The following UNC80 variants were observed in gnomAD, a reference collection of about 807,000 sequenced individuals.
The protein encoded by UNC80 is unc-80 subunit of NALCN channel complex.
A neutral mutation model predicts 384.6 loss-of-function variants in UNC80; 164 were observed. The ratio of observed to expected loss-of-function variants is 0.43; its 90% CI spans 0.38 to 0.49. The LOEUF (loss-of-function observed/expected upper bound fraction) is 0.49, where lower values mean the gene tolerates loss of function less well. Among genes scored for constraint, UNC80 ranks in the 20% least tolerant of loss-of-function variants. UNC80 has a pLI of 0.00. For synonymous variants in UNC80, 1,486 were observed against 1,527.8 expected, an observed-to-expected ratio of 0.97 and a Z score of 0.64; for missense variants, 3,330 against 4,143.0, an observed-to-expected ratio of 0.80 and a Z score of 5.39.
chr2:209,772,084 G>T lies in UNC80; in HGVS notation c.12G>T (p.Arg4Ser). The T allele has an allele frequency of 6.5e-7, 1 of 1,549,690 alleles. No homozygotes were observed. The highest frequency in any genetic ancestry group is 8.7e-7 in the Non-Finnish European group (1 of 1,146,382). ...CGGGAGCCACCATTATGGTGAAGAG[G>T]AAGAGCTCCGAGGGCCAGGAGCAGG... MVK[R>S]KSSEGQEQDG... The change falls in exon 1 of 65, where the codon AGG becomes AGT. Residue 4 changes from arginine (R) to serine (S), a missense_variant. Arg to Ser is a moderately radical substitution (Grantham distance 110). This residue lies in a region of UNC80 where 86 missense variants were observed against 141.5 expected (regional missense o/e 0.61). Coordinates refer to ENST00000673920, the MANE Select transcript of UNC80 (RefSeq NM_001371986.1).
At chr2:209,808,583 G>C (rs568675857) in intron 7 of UNC80, among the ~76,000 whole-genome samples, 6 of 151,808 alleles carry the variant, frequency 4.0e-5, no homozygotes, top group Non-Finnish European at 5.9e-5. Context: ...AGCCCAGCCA[G>C]GCCCGGCCCA....
At position 209,939,443 on chromosome 2, in the gene UNC80, T is replaced by C. The variant is rs1464288715; in HGVS notation, c.6466-29T>C. ...AATCTGGAGTTTCTAATACTCCTTT[T>C]TGTCTGCTCCTGCTTTTGTTTTCTC... On this transcript the variant is annotated intron_variant, in intron 42 of 64. Coordinates refer to ENST00000673920, the MANE Select transcript of UNC80 (RefSeq NM_001371986.1). 2.0e-6 allele frequency: 3 copies of C among 1,530,574 alleles called. No homozygotes were observed. In the Admixed American group the frequency reaches 6.1e-5, roughly 31 times the overall value. The allele number at this position is 1,530,574 out of a possible 1,614,324, so 94.8% of individuals were successfully genotyped here. A position where few individuals can be genotyped will look rare whatever the true frequency, so the allele number is the denominator to read the frequency against.
At chr2:209,868,505 G>A (rs1213193685) in intron 22 of UNC80, among the ~76,000 whole-genome samples, 1 of 152,008 alleles carries the variant, frequency 6.6e-6, no homozygotes, top group African/African-American at 2.4e-5. Flanking sequence ...TATTTTTTAG[G>A]TCCCCAGGCA....
At chr2:209,863,424 G>T (rs183112436) in intron 22 of UNC80, among the ~76,000 whole-genome samples, 1 of 152,158 alleles carries the variant, frequency 6.6e-6, no homozygotes, top group African/African-American at 2.4e-5. Context: ...ATCCGGAAGT[G>T]TGTTTTCCAG....
rs1252633870 is a variant in UNC80, at chr2:209,941,432, C to T, written c.6858C>T (p.His2286=). 2 of 1,546,236 alleles carry T rather than the reference C, an allele frequency of 1.3e-6. No homozygotes were observed. The highest frequency in any genetic ancestry group is 2.7e-5 in the African/African-American group (2 of 72,978). The change falls in exon 44 of 65, where the codon CAC becomes CAT. Residue 2286 remains histidine (H), a synonymous_variant. Coordinates refer to ENST00000673920, the MANE Select transcript of UNC80 (RefSeq NM_001371986.1). ...YAATVINTAV[H]FNHLFSLSGY... Reference sequence around the variant, plus strand: ...CCACCGTCATCAACACCGCGGTGCACTTCAACCACCTCTTCTCTCTCAGCG... The same window carrying T: ...CCACCGTCATCAACACCGCGGTGCATTTCAACCACCTCTTCTCTCTCAGCG...
chr2:209,986,112 A>G (rs2093282167), intron 61 of UNC80, among the ~76,000 whole-genome samples: 1 of 152,212 alleles, frequency 6.6e-6, no homozygotes, highest in Non-Finnish European at 1.5e-5. Flanking sequence ...GAGAAACAAA[A>G]CAGTCCTCAA....
At chr2:209,870,118 A>G (rs546518831) in intron 22 of UNC80, among the ~76,000 whole-genome samples, 3 of 152,268 alleles carry the variant, frequency 2.0e-5, no homozygotes, top group African/African-American at 7.2e-5. Flanking sequence ...CATATGGTCC[A>G]CGTTAAGTTT....
chr2:209,848,404 T>C (rs2082303722), intron 21 of UNC80, among the ~76,000 whole-genome samples: 1 of 152,086 alleles, frequency 6.6e-6, no homozygotes, highest in African/African-American at 2.4e-5. Context: ...GAATGAAATA[T>C]AGGAAATTTC....
At chr2:209,938,185 G>T (rs570398225) in intron 42 of UNC80, among the ~76,000 whole-genome samples, 1 of 152,280 alleles carries the variant, frequency 6.6e-6, no homozygotes, top group African/African-American at 2.4e-5. Context: ...TAAGGTTGAA[G>T]AACAGAATAA....
chr2:209,805,615 C>T (rs552364320), intron 7 of UNC80, among the ~76,000 whole-genome samples: 29 of 152,256 alleles, frequency 1.9e-4, no homozygotes, highest in African/African-American at 5.8e-4. Flanking sequence ...TGTGTCTCTC[C>T]ATAGGGCTGC....
chr2:209,906,804 T>C (rs751025267), intron 29 of UNC80, among the ~76,000 whole-genome samples: 20 of 152,218 alleles, frequency 1.3e-4, no homozygotes, highest in Non-Finnish European at 2.5e-4. Context: ...TAAATGACAC[T>C]GCATTTAAAG....
At position 209,997,698 on chromosome 2, in the gene UNC80, T is replaced by A. The variant is rs914531511; in HGVS notation, c.*2103T>A. 2.0e-5 allele frequency: 3 copies of A among 152,192 alleles called. No homozygotes were observed. Among genetic ancestry groups the A allele is most frequent in the East Asian group, 1.9e-4 (1 of 5,198 alleles). The allele number at this position is 152,192 out of a possible 1,614,324, so 9.4% of individuals were successfully genotyped here. On this transcript the variant is annotated 3_prime_UTR_variant, in exon 65 of 65. Transcript: ENST00000673920. ...TAGCAACTTTCAATAAGCTAAGCAA[T>A]GTTGTAACTTGCAAAAAAGCCTCCA...
intron 59 of UNC80, among the ~76,000 whole-genome samples, chr2:209,981,799 A>T (rs551279658): frequency 6.6e-6 from 1 of 152,362 alleles, no homozygotes; most frequent in African/African-American, 2.4e-5. Context: ...TGTCAAGGAA[A>T]TGTATTTGAT....
In UNC80 at chr2:209,917,779, G is replaced by C; in HGVS notation, c.5032G>C (p.Ala1678Pro). The change falls in exon 32 of 65, where the codon GCC becomes CCC. Residue 1678 changes from alanine to proline, a missense_variant and splice_region_variant. By Grantham distance (27) the Ala-to-Pro change is conservative (BLOSUM62 -1). Around this residue, in one of 8 missense-constraint regions of UNC80, gnomAD observed 801 missense variants for 950.8 expected, o/e 0.84. Coordinates refer to ENST00000673920, the MANE Select transcript of UNC80 (RefSeq NM_001371986.1). Reference sequence around the variant, plus strand: ...GATGAATTGTTGACTGTCTCTAGCTGCCATGTTCCTGCTGTGTGCAGTGAA... The same window carrying C: ...GATGAATTGTTGACTGTCTCTAGCTCCCATGTTCCTGCTGTGTGCAGTGAA... ...MDEHMAGAAAAMFLLCAVKVP... is the reference protein window; with the variant it reads ...MDEHMAGAAAPMFLLCAVKVP... 1 of 1,551,976 alleles carries C rather than the reference G, an allele frequency of 6.4e-7. No homozygotes were observed. The highest frequency in any genetic ancestry group is 8.7e-7 in the Non-Finnish European group (1 of 1,147,018).
Position 209,839,224 on chromosome 2 carries a change from A to G in UNC80, c.3044A>G (p.Asp1015Gly). The change falls in exon 19 of 65, where the codon GAT (aspartate) becomes GGT (glycine). Residue 1015 changes from aspartate (D) to glycine (G), a missense_variant and splice_region_variant. Asp to Gly is a moderately conservative substitution (Grantham distance 94). Transcript: ENST00000673920. The surrounding 1 kb of genome is among the most constrained non-coding windows in gnomAD (Gnocchi z 4.1). ...SGRPSQTPEH[D>G]EQMQGANLGR... ...CCCTATCCTCTGCTTGCCTACAGCG[A>G]TGAACAAATGCAAGGAGCCAACTTG... 6.4e-7 allele frequency: 1 copy of G among 1,551,448 alleles called. No homozygotes were observed. The highest frequency in any genetic ancestry group is 8.7e-7 in the Non-Finnish European group (1 of 1,146,970).
chr2:209,933,635 C>A (rs2124969334), intron 38 of UNC80, among the ~76,000 whole-genome samples, 187 bp from the exon 39 acceptor site: 1 of 152,158 alleles, frequency 6.6e-6, no homozygotes, highest in South Asian at 2.1e-4. Context: ...AAATGTACAG[C>A]AGCCTGTGTG....
intron 9 of UNC80, 32 bp from the exon 10 acceptor site, chr2:209,816,877 T>C: frequency 1.9e-6 from 3 of 1,546,100 alleles, no homozygotes; most frequent in Non-Finnish European, 2.6e-6. Context: ...TTCTTTGCCC[T>C]GTGCCTAATT....
rs115490702 is a variant in UNC80, at chr2:209,848,138, G to A, written c.3455-1313G>A. Among the ~76,000 whole-genome samples the A allele has an allele frequency of 2.4e-3, 366 of 152,146 alleles. 1 individual carries two copies. The highest frequency in any genetic ancestry group is 8.2e-3 in the African/African-American group (341 of 41,548). The stretch of plus-strand genomic sequence containing the variant: ...TGGTAATGTCCAGTGAGGAAATAGA[G>A]TAGCATTTTGAAAGGGAGCTGCTTG... On this transcript the variant is annotated intron_variant, in intron 21 of 64. Transcript: ENST00000673920.
chr2:209,895,804 G>T (rs577478554), intron 27 of UNC80, among the ~76,000 whole-genome samples: 6 of 152,262 alleles, frequency 3.9e-5, no homozygotes, highest in East Asian at 1.9e-4. Context: ...GGACATAATT[G>T]CTTCCAAATT....
Sources: gnomAD v4.1 joint callset for allele counts (sites outside exome capture counted in the v4.1 genomes callset) on GRCh38, gnomAD v4.1.1 for gene constraint, gnomAD v4.1.1 regional missense constraint, Gnocchi (gnomAD v3.1) non-coding constraint, MANE v1.5 for transcripts, NCBI Gene and HGNC (gene_info 2026-07-23, HGNC 2026-07-21) for gene names.